The following PCDHGA8 variants were observed in gnomAD, a reference collection of about 807,000 sequenced individuals.
PCDHGA8 encodes protocadherin gamma-A8.
In PCDHGA8, 45 loss-of-function variants were observed where a neutral mutation model predicts 59.2. That is an observed-to-expected ratio of 0.76 (90% confidence interval 0.60 to 0.98). PCDHGA8 has a LOEUF of 0.98. PCDHGA8 is among the 50% of genes least tolerant of loss of function. The pLI, the probability that PCDHGA8 is intolerant of heterozygous loss-of-function variation, is 0.00. For synonymous variants in PCDHGA8, 531 were observed against 519.0 expected, an observed-to-expected ratio of 1.02 and a Z score of -0.32; for missense variants, 1,257 against 1,196.2, an observed-to-expected ratio of 1.05 and a Z score of -0.75.
rs1002764667 is a variant in PCDHGA8, at chr5:141,468,260, G to A, written c.2425-26547G>A. 4.0e-5 allele frequency among the ~76,000 whole-genome samples: 6 copies of A among 150,102 alleles called. No homozygotes were observed. The East Asian group carries it at 1.2e-3, about 30-fold the overall frequency. ...GAATTGCCTGAACCTGGGAGGCAGA[G>A]GTTGTGGTGAGCCGAGACCACGCCA... On this transcript the variant is annotated intron_variant, in intron 1 of 3. Coordinates refer to ENST00000398604, the MANE Select transcript of PCDHGA8 (RefSeq NM_032088.2).
intron 1 of PCDHGA8, chr5:141,423,486 C>G: frequency 6.2e-7 from 1 of 1,613,952 alleles, no homozygotes; most frequent in Non-Finnish European, 8.5e-7. Context: ...TCCTGCAAAC[C>G]TATTCCCACG....
At chr5:141,450,627 C>G (rs947866993) in intron 1 of PCDHGA8, among the ~76,000 whole-genome samples, 1 of 151,592 alleles carries the variant, frequency 6.6e-6, no homozygotes, top group African/African-American at 2.4e-5. Context: ...GCTGGGATTA[C>G]AGATGCCTGC....
chr5:141,393,103 C>A lies in PCDHGA8; in HGVS notation c.290C>A (p.Ala97Asp), dbSNP rs776552182. The change falls in exon 1 of 4, where the codon GCT (alanine) becomes GAT (aspartate). Residue 97 changes from alanine (A) to aspartate (D), a missense_variant. Coordinates refer to ENST00000398604, the MANE Select transcript of PCDHGA8 (RefSeq NM_032088.2). ...AGRIDREELC[A>D]QSPRCLININ... is the part of the protein sequence containing the mutation. ...AGGATAGATCGGGAGGAGCTCTGCGCTCAGAGCCCGCGGTGTCTGATAAAT... is the reference window on the plus strand; with the variant it reads ...AGGATAGATCGGGAGGAGCTCTGCGATCAGAGCCCGCGGTGTCTGATAAAT... The A allele has an allele frequency of 3.2e-5, 51 of 1,613,464 alleles. No homozygotes were observed. Among genetic ancestry groups the A allele is most frequent in the South Asian group, 1.5e-4 (14 of 91,088 alleles).
chr5:141,505,694 G>A, intron 3 of PCDHGA8, among the ~76,000 whole-genome samples: 1 of 152,208 alleles, frequency 6.6e-6, no homozygotes, highest in East Asian at 1.9e-4. Flanking sequence ...GCCTGGAGGA[G>A]AGCGAACAAG....
chr5:141,427,111 C>G (rs1324091636), intron 1 of PCDHGA8: 7 of 457,560 alleles, frequency 1.5e-5, no homozygotes, highest in South Asian at 1.1e-4. Context: ...GCGGAGATCA[C>G]CTACTCTTTC....
In PCDHGA8 at chr5:141,454,796, ATTTTT is replaced by A. The variant is rs61612330; in HGVS notation, c.2425-39986_2425-39982del. Among the ~76,000 whole-genome samples the A allele has an allele frequency of 4.9e-3, 378 of 77,354 alleles. 2 individuals carry two copies. Among genetic ancestry groups the A allele is most frequent in the Admixed American group, 9.2e-3 (51 of 5,544 alleles). 50.7% of individuals were successfully genotyped at this position (77,354 alleles called of 152,430 possible). On this transcript the variant is annotated intron_variant, in intron 1 of 3. Coordinates refer to ENST00000398604, the MANE Select transcript of PCDHGA8 (RefSeq NM_032088.2). ...AAGGAAATAATCCTCCATGGTTCTA[ATTTTT>A]TTTTTTTTTTTTTTTTTTTTTTTTG...
chr5:141,498,684 C>T (rs1255085852), intron 2 of PCDHGA8, among the ~76,000 whole-genome samples: 1 of 152,192 alleles, frequency 6.6e-6, no homozygotes, highest in South Asian at 2.1e-4. Flanking sequence ...GTAATCCCAG[C>T]ACTTTGGGAG....
chr5:141,444,406 G>A (rs1296878411), intron 1 of PCDHGA8, among the ~76,000 whole-genome samples: 1 of 151,874 alleles, frequency 6.6e-6, no homozygotes, highest in Non-Finnish European at 1.5e-5. Context: ...CCCAACCTCA[G>A]GTGATCTTCC....
chr5:141,427,975 C>T lies in PCDHGA8; in HGVS notation c.2424+32738C>T, dbSNP rs757718263. ...AATGTGCCGCGGGTGCTGTACCCCGCGCTGGGGCCCGATGGCTCCGCACTC... is the reference window on the plus strand; with the variant it reads ...AATGTGCCGCGGGTGCTGTACCCCGTGCTGGGGCCCGATGGCTCCGCACTC... On this transcript the variant is annotated intron_variant, in intron 1 of 3. Transcript: ENST00000398604. The T allele has an allele frequency of 1.9e-6, 3 of 1,594,600 alleles. No individual in the cohort carries two copies. In the South Asian group the frequency reaches 3.3e-5, roughly 18 times the overall value.
rs749645155 is a variant in PCDHGA8 at position 141,414,214 on chromosome 5, A to G, written c.2424+18977A>G. On this transcript the variant is annotated intron_variant, in intron 1 of 3. Transcript: ENST00000398604. ...GATTACAGTAGAAGATGTAAATGAC[A>G]ACAGTCCAGAGCTGACCATCACGTC... 6.2e-6 allele frequency: 10 copies of G among 1,613,126 alleles called. No homozygotes were observed. The South Asian group carries it at 9.9e-5, about 16-fold the overall frequency.
rs1193095881 is a variant in PCDHGA8 at position 141,490,273 on chromosome 5, G to T, written c.2425-4534G>T. On this transcript the variant is annotated intron_variant, in intron 1 of 3. Coordinates refer to ENST00000398604, the MANE Select transcript of PCDHGA8 (RefSeq NM_032088.2). This position sits in a 1 kb window ranked among gnomAD's most constrained non-coding sequence, Gnocchi z 5.4. ...TCAAGTGGATGTGGGGGATGTCAAT[G>T]ACAATGCCCCAGAGGTGCTATTGGC... 6.2e-7 allele frequency: 1 copy of T among 1,614,108 alleles called. No homozygotes were observed. The highest frequency in any genetic ancestry group is 8.5e-7 in the Non-Finnish European group (1 of 1,180,052).
Position 141,512,423 on chromosome 5 carries a change from T to C in PCDHGA8, c.*1250T>C, listed in dbSNP as rs2099884220. ...GATGGGGCTTCTTCAACAGGGCCCC[T>C]GCCCTCCTGAAGCCTCAGTCCTTCA... is the stretch of plus-strand genomic sequence containing the variant. On this transcript the variant is annotated 3_prime_UTR_variant, in exon 4 of 4. Transcript: ENST00000398604. 1 of 152,754 alleles carries C rather than the reference T, an allele frequency of 6.5e-6. No individual in the cohort carries two copies. The highest frequency in any genetic ancestry group is 6.5e-5 in the Admixed American group (1 of 15,274). The allele number at this position is 152,754 out of a possible 1,614,324, so 9.5% of individuals were successfully genotyped here.
chr5:141,441,918 C>A (rs1183933153), intron 1 of PCDHGA8: 8 of 351,246 alleles, frequency 2.3e-5, no homozygotes, highest in African/African-American at 1.1e-4. Flanking sequence ...ATGTGAGACA[C>A]AATGCGTGGC....
rs775380177 is a variant in PCDHGA8, at chr5:141,422,666, C to T, written c.2424+27429C>T. The T allele has an allele frequency of 3.1e-6, 5 of 1,608,026 alleles. No individual in the cohort carries two copies. In the South Asian group the frequency reaches 3.3e-5, roughly 11 times the overall value. ...ATCTTCTCAGTGACCGCCCTCGACC[C>T]GGACAGCAAACAGAATGCCCTGGTC... On this transcript the variant is annotated intron_variant, in intron 1 of 3. Transcript: ENST00000398604.
intron 1 of PCDHGA8, among the ~76,000 whole-genome samples, chr5:141,448,001 G>A (rs143950707): frequency 0.046 from 7,030 of 151,928 alleles, 245 homozygotes; most frequent in African/African-American, 0.093. Context: ...CATGAGAATC[G>A]CTTGAACCCA....
chr5:141,442,561 G>C (rs2098332268), intron 1 of PCDHGA8: 1 of 152,198 alleles, frequency 6.6e-6, no homozygotes, highest in African/African-American at 2.4e-5. Context: ...ACTAAGTTCA[G>C]TCACAAGCAG....
intron 1 of PCDHGA8, among the ~76,000 whole-genome samples, chr5:141,470,268 G>A (rs1349444076): frequency 6.6e-6 from 1 of 152,082 alleles, no homozygotes; most frequent in East Asian, 1.9e-4. Flanking sequence ...GGAGATACAT[G>A]TTTGTTTGAT....
rs563526295 is a variant in PCDHGA8 at position 141,394,325 on chromosome 5, T to G, written c.1512T>G (p.Tyr504Ter). 1.9e-6 allele frequency: 3 copies of G among 1,614,012 alleles called. No homozygotes were observed. The highest frequency in any genetic ancestry group is 2.2e-5 in the South Asian group (2 of 91,088). The change falls in exon 1 of 4, where the codon TAT (tyrosine) becomes TAG (stop). Residue 504 changes from tyrosine to a stop codon, truncating the protein, a stop_gained. Coordinates refer to ENST00000398604, the MANE Select transcript of PCDHGA8 (RefSeq NM_032088.2). LOFTEE classifies it high-confidence loss of function. ...DTLQGAPLSS[Y>*]ISINSDTGVL... ...TGCAGGGGGCGCCCCTGTCCTCGTA[T>G]ATCTCCATCAACTCTGACACCGGTG...
intron 2 of PCDHGA8, among the ~76,000 whole-genome samples, chr5:141,496,391 A>G (rs1473991011): frequency 1.3e-5 from 2 of 151,930 alleles, no homozygotes; most frequent in Admixed American, 6.6e-5. Flanking sequence ...ACCTTACCCT[A>G]CCTCCTCAAT....
Sources: allele counts gnomAD v4.1 joint callset (sites outside exome capture counted in the v4.1 genomes callset), GRCh38; gene constraint gnomAD v4.1.1; non-coding constraint Gnocchi (gnomAD v3.1); transcripts MANE v1.5; gene names NCBI Gene and HGNC (gene_info 2026-07-23, HGNC 2026-07-21).